KCNN3: variants seen among roughly 807,000 people sequenced by gnomAD.
KCNN3 encodes potassium calcium-activated channel subfamily N member 3.
A neutral mutation model predicts 62.9 loss-of-function variants in KCNN3; 16 were observed. The ratio of observed to expected loss-of-function variants is 0.25; its 90% CI spans 0.17 to 0.39. The LOEUF is 0.39. KCNN3 is among the 10% of genes least tolerant of loss of function. The pLI is 1.00. For synonymous variants in KCNN3, 370 were observed against 389.2 expected, an observed-to-expected ratio of 0.95 and a Z score of 0.58; for missense variants, 599 against 949.4, an observed-to-expected ratio of 0.63 and a Z score of 4.85.
intron 4 of KCNN3, among the ~76,000 whole-genome samples, chr1:154,731,663 G>C (rs1405865405): frequency 6.6e-6 from 1 of 152,142 alleles, no homozygotes; most frequent in Non-Finnish European, 1.5e-5. Flanking sequence ...ATCTCTTCTG[G>C]AGGCAACGGG....
intron 2 of KCNN3, among the ~76,000 whole-genome samples, chr1:154,774,670 A>T (rs1323420333): frequency 7.9e-5 from 12 of 152,178 alleles, no homozygotes. Context: ...CAGCTCATCC[A>T]CGAACACATC....
intron 2 of KCNN3, among the ~76,000 whole-genome samples, chr1:154,785,112 T>C (rs1649222729): frequency 1.3e-5 from 2 of 152,198 alleles, no homozygotes; most frequent in Non-Finnish European, 2.9e-5. Flanking sequence ...GTAAGAGGTA[T>C]CGTTTTCTCA....
At position 154,812,806 on chromosome 1, in the gene KCNN3, GT is replaced by G. The variant is rs527734971; in HGVS notation, c.1029+9282del. ...TTTTCTATGTCAAGTTTGAGGCTGT[GT>G]TTAGGGGACAGCCAGCTCTGTGACT... On this transcript the variant is annotated intron_variant, in intron 2 of 7. Coordinates refer to ENST00000271915, the MANE Select transcript of KCNN3 (RefSeq NM_002249.6). Among the ~76,000 whole-genome samples the G allele has an allele frequency of 2.0e-5, 3 of 152,324 alleles. No individual in the cohort carries two copies. The South Asian group carries it at 6.2e-4, about 32-fold the overall frequency.
At chr1:154,783,746 G>A (rs899443481) in intron 2 of KCNN3, among the ~76,000 whole-genome samples, 2 of 152,208 alleles carry the variant, frequency 1.3e-5, no homozygotes, top group East Asian at 3.8e-4. Context: ...TCCCATGAGA[G>A]GGGGAGGCCG....
intron 1 of KCNN3, among the ~76,000 whole-genome samples, chr1:154,827,177 C>T (rs1651171564): frequency 6.6e-6 from 1 of 152,188 alleles, no homozygotes; most frequent in Admixed American, 6.5e-5. Flanking sequence ...TCAACTTTTC[C>T]TTCAATTTCA....
intron 5 of KCNN3, among the ~76,000 whole-genome samples, chr1:154,716,879 G>A (rs1360403557): frequency 6.6e-6 from 1 of 152,182 alleles, no homozygotes; most frequent in Admixed American, 6.5e-5. Flanking sequence ...GCTCTCTGCA[G>A]AGCACACATT....
At chr1:154,768,770 A>G (rs1233281277) in intron 3 of KCNN3, among the ~76,000 whole-genome samples, 2 of 152,036 alleles carry the variant, frequency 1.3e-5, no homozygotes. Flanking sequence ...CATCCACTAC[A>G]TGGATGTGTT....
At chr1:154,721,301 CTTTTTTT>C (rs34172435) in intron 5 of KCNN3, among the ~76,000 whole-genome samples, 1 of 117,954 alleles carries the variant, frequency 8.5e-6, no homozygotes, top group East Asian at 2.2e-4. Flanking sequence ...TTTTTCTTTC[CTTTTTTT>C]TTTTTTTTTG....
In KCNN3 at chr1:154,869,993, A is replaced by G. The variant is rs1030390583; in HGVS notation, c.-29T>C. 1.9e-6 allele frequency: 3 copies of G among 1,603,506 alleles called. No homozygotes were observed. The highest frequency in any genetic ancestry group is 2.2e-5 in the East Asian group (1 of 44,606). ...GGGGCCTGGCTGTATTCCCTGCAGC[A>G]CAAGCCCCCACCCCAAAGCCACCCT... On this transcript the variant is annotated 5_prime_UTR_variant, in exon 1 of 8. Coordinates refer to ENST00000271915, the MANE Select transcript of KCNN3 (RefSeq NM_002249.6). The surrounding 1 kb of genome is among the most constrained non-coding windows in gnomAD (Gnocchi z 6.1).
intron 2 of KCNN3, among the ~76,000 whole-genome samples, chr1:154,805,018 A>G (rs543399201): frequency 3.5e-4 from 54 of 152,354 alleles, no homozygotes; most frequent in Non-Finnish European, 7.1e-4. Context: ...AAACAATTCT[A>G]TTCTGCAGAC....
chr1:154,771,759 T>C (rs1177998884), intron 3 of KCNN3, among the ~76,000 whole-genome samples: 1 of 152,226 alleles, frequency 6.6e-6, no homozygotes, highest in Non-Finnish European at 1.5e-5. Flanking sequence ...AGGAAAATTC[T>C]GTGCCTTTTT....
At chr1:154,727,021 C>G (rs1191597836) in intron 4 of KCNN3, among the ~76,000 whole-genome samples, 1 of 152,224 alleles carries the variant, frequency 6.6e-6, no homozygotes, top group Admixed American at 6.5e-5. Context: ...ATCCTCTTCG[C>G]TAGGCTTCTT....
intron 2 of KCNN3, among the ~76,000 whole-genome samples, chr1:154,790,404 A>G (rs909101572): frequency 6.6e-6 from 1 of 152,238 alleles, no homozygotes; most frequent in Non-Finnish European, 1.5e-5. Context: ...ACCGAATGTC[A>G]CAGCTTAACC....
At chr1:154,732,128 G>T (rs760590134) in intron 4 of KCNN3, among the ~76,000 whole-genome samples, 3 of 152,216 alleles carry the variant, frequency 2.0e-5, no homozygotes, top group African/African-American at 4.8e-5. Flanking sequence ...AACCAATGGG[G>T]AGGGCAGGGC....
At chr1:154,715,461 A>T (rs1380791566) in intron 5 of KCNN3, among the ~76,000 whole-genome samples, 2 of 151,476 alleles carry the variant, frequency 1.3e-5, no homozygotes, top group Admixed American at 6.6e-5. Flanking sequence ...GGAAAAAAAA[A>T]GGTGATTAAA....
intron 2 of KCNN3, among the ~76,000 whole-genome samples, chr1:154,799,424 C>A (rs1260099888): frequency 2.0e-5 from 3 of 152,214 alleles, no homozygotes; most frequent in Non-Finnish European, 4.4e-5. Context: ...CAGTGCCAGG[C>A]ATCTCCGTGT....
At chr1:154,783,891 T>C (rs1369788469) in intron 2 of KCNN3, among the ~76,000 whole-genome samples, 1 of 152,070 alleles carries the variant, frequency 6.6e-6, no homozygotes, top group African/African-American at 2.4e-5. Flanking sequence ...TCCAGATCCA[T>C]GGAAATGTCA....
At chr1:154,729,826 T>C (rs1462187772) in intron 4 of KCNN3, among the ~76,000 whole-genome samples, 1 of 152,236 alleles carries the variant, frequency 6.6e-6, no homozygotes, top group East Asian at 1.9e-4. Context: ...TGACTCAATT[T>C]GTGCTACCTT....
chr1:154,790,598 G>A (rs778935872), intron 2 of KCNN3, among the ~76,000 whole-genome samples: 6 of 152,144 alleles, frequency 3.9e-5, no homozygotes, highest in Non-Finnish European at 8.8e-5. Context: ...GCTCTCTGCC[G>A]CTGCCCAACA....
Sources: allele counts gnomAD v4.1 joint callset (sites outside exome capture counted in the v4.1 genomes callset), GRCh38; gene constraint gnomAD v4.1.1; non-coding constraint Gnocchi (gnomAD v3.1); transcripts MANE v1.5; gene names NCBI Gene and HGNC (gene_info 2026-07-23, HGNC 2026-07-21).